Variants in TXNDC16 observed in about 807,000 individuals in gnomAD.
The protein encoded by TXNDC16 is thioredoxin domain containing 16.
A neutral mutation model predicts 85.6 loss-of-function variants in TXNDC16; 74 were observed. That is an observed-to-expected ratio of 0.86 (90% CI 0.72 to 1.05). TXNDC16 has a LOEUF of 1.05. Among genes scored for constraint, TXNDC16 ranks in the 50% least tolerant of loss-of-function variants. TXNDC16 has a pLI of 0.00. For synonymous variants in TXNDC16, 335 were observed against 326.5 expected, an observed-to-expected ratio of 1.03 and a Z score of -0.28; for missense variants, 959 against 947.0, an observed-to-expected ratio of 1.01 and a Z score of -0.17.
At chr14:52,504,338 C>G (rs1158011874) in intron 9 of TXNDC16, among the ~76,000 whole-genome samples, 2 of 152,210 alleles carry the variant, frequency 1.3e-5, no homozygotes, top group East Asian at 3.8e-4. Flanking sequence ...GGGTTACCCA[C>G]AGAGGGAAGT....
intron 20 of TXNDC16, among the ~76,000 whole-genome samples, chr14:52,434,529 C>A (rs188611388): frequency 6.6e-6 from 1 of 152,262 alleles, no homozygotes; most frequent in Non-Finnish European, 1.5e-5. Context: ...CTAAAGCATA[C>A]AAATATCAGG....
At chr14:52,482,749 T>C (rs773610750) in intron 13 of TXNDC16, 73 bp downstream of exon 13, 34 of 1,423,832 alleles carry the variant, frequency 2.4e-5, no homozygotes, top group Non-Finnish European at 3.1e-5. Context: ...ATGCAATACA[T>C]GGAATGCCAA....
intron 4 of TXNDC16, among the ~76,000 whole-genome samples, chr14:52,540,014 T>A (rs1449230513): frequency 6.6e-6 from 1 of 152,168 alleles, no homozygotes; most frequent in Non-Finnish European, 1.5e-5. Context: ...TTCAAGTGCA[T>A]GAGATAACCC....
At chr14:52,504,594 C>T (rs1275342564) in intron 9 of TXNDC16, among the ~76,000 whole-genome samples, 11 of 152,266 alleles carry the variant, frequency 7.2e-5, no homozygotes, top group South Asian at 2.1e-4. Flanking sequence ...AAGGAACAAC[C>T]GGTACCAGCC....
At chr14:52,529,149 A>G (rs2037413053) in intron 6 of TXNDC16, among the ~76,000 whole-genome samples, 1 of 151,302 alleles carries the variant, frequency 6.6e-6, no homozygotes, top group South Asian at 2.1e-4. Context: ...ATGCAGCCAT[A>G]AAAAATGATG....
intron 9 of TXNDC16, among the ~76,000 whole-genome samples, chr14:52,510,606 CT>C (rs1411289738): frequency 6.6e-6 from 1 of 152,206 alleles, no homozygotes; most frequent in East Asian, 1.9e-4. Context: ...TTCCTTCATA[CT>C]TGGCTGCAAT....
chr14:52,472,301 G>C (rs1201437345), intron 14 of TXNDC16, among the ~76,000 whole-genome samples: 1 of 151,842 alleles, frequency 6.6e-6, no homozygotes, highest in East Asian at 1.9e-4. Flanking sequence ...GAGTTCAGGC[G>C]ATTCTCCTGC....
Position 52,439,305 on chromosome 14 carries a change from G to A in TXNDC16, c.2093C>T (p.Ser698Leu). The A allele has an allele frequency of 6.2e-7, 1 of 1,614,024 alleles. No individual in the cohort carries two copies. The highest frequency in any genetic ancestry group is 8.5e-7 in the Non-Finnish European group (1 of 1,179,970). The stretch of plus-strand genomic sequence containing the variant: ...AGGAAATGCAAATACTTGGCCACCT[G>A]AATGCAGATTCACCAAAACAAGAAG... Reference protein sequence around the residue: ...LPLLVLVNLHSGGQVFAFPSD... With the variant: ...LPLLVLVNLHLGGQVFAFPSD... The change falls in exon 20 of 21, where the codon TCA becomes TTA. Residue 698 changes from serine (S) to leucine (L), a missense_variant. Physicochemically the swap from Ser to Leu is moderately radical, Grantham distance 145. Coordinates refer to ENST00000281741, the MANE Select transcript of TXNDC16 (RefSeq NM_020784.3).
intron 18 of TXNDC16, among the ~76,000 whole-genome samples, chr14:52,452,874 C>T (rs1485720417): frequency 6.6e-6 from 1 of 151,972 alleles, no homozygotes; most frequent in African/African-American, 2.4e-5. Context: ...GCAAAGGACA[C>T]AATCAACAAA....
intron 6 of TXNDC16, among the ~76,000 whole-genome samples, chr14:52,527,760 T>C (rs749077855): frequency 1.1e-4 from 16 of 152,284 alleles, no homozygotes; most frequent in Non-Finnish European, 1.9e-4. Flanking sequence ...AAGTCTTCTA[T>C]GTGTGTATAA....
At chr14:52,537,027 AG>A (rs2037717986) in intron 5 of TXNDC16, among the ~76,000 whole-genome samples, 3 of 151,852 alleles carry the variant, frequency 2.0e-5, no homozygotes, top group African/African-American at 7.3e-5. Context: ...AGAAAAAAAT[AG>A]GAGTCCAAAC....
At chr14:52,507,042 T>C (rs537181480) in intron 9 of TXNDC16, among the ~76,000 whole-genome samples, 1 of 152,070 alleles carries the variant, frequency 6.6e-6, no homozygotes, top group South Asian at 2.1e-4. Flanking sequence ...TTATTCAACA[T>C]AGTGTTGGAA....
intron 1 of TXNDC16, among the ~76,000 whole-genome samples, chr14:52,550,839 GCAAT>G (rs1207800880): frequency 6.6e-6 from 1 of 152,094 alleles, no homozygotes; most frequent in Non-Finnish European, 1.5e-5. Flanking sequence ...GCACATTACT[GCAAT>G]CAATTACATC....
At chr14:52,508,096 A>G (rs1294259596) in intron 9 of TXNDC16, among the ~76,000 whole-genome samples, 3 of 152,328 alleles carry the variant, frequency 2.0e-5, no homozygotes, top group Middle Eastern at 6.8e-3. Context: ...GCTTCTGCAC[A>G]GCAAAAGAAA....
chr14:52,513,292 T>C (rs59697377), intron 8 of TXNDC16, among the ~76,000 whole-genome samples: 7,115 of 152,210 alleles, frequency 0.047, 388 homozygotes, highest in East Asian at 0.17. Context: ...TCAATAAATA[T>C]TTGCTGAATG....
In TXNDC16 at chr14:52,536,805, T is replaced by A. The variant is rs140704370; in HGVS notation, c.318-12A>T. On this transcript the variant is annotated splice_polypyrimidine_tract_variant and intron_variant, in intron 5 of 20. Transcript: ENST00000281741. ...GCAATATGTTGCCCCTATAAAAAGT[T>A]TAAAAACATATTAATATTGAAAAAT... The A allele has an allele frequency of 6.5e-4, 1,037 of 1,590,556 alleles. 9 individuals are homozygous for A. In the African/African-American group the frequency reaches 0.013, roughly 19 times the overall value.
intron 9 of TXNDC16, among the ~76,000 whole-genome samples, chr14:52,504,886 C>A (rs538385297): frequency 1.1e-4 from 17 of 151,952 alleles, no homozygotes; most frequent in East Asian, 5.8e-4. Context: ...ATCTACCAAG[C>A]AAATGGAAAA....
intron 18 of TXNDC16, among the ~76,000 whole-genome samples, chr14:52,444,032 G>T (rs2035224660): frequency 6.6e-6 from 1 of 152,154 alleles, no homozygotes; most frequent in South Asian, 2.1e-4. Context: ...GGGAATAAAT[G>T]AGACAGAGGA....
intron 8 of TXNDC16, among the ~76,000 whole-genome samples, chr14:52,512,038 A>G (rs570354568): frequency 6.6e-6 from 1 of 152,296 alleles, no homozygotes; most frequent in African/African-American, 2.4e-5. Context: ...TGGCATTAGT[A>G]GGGTTTGGCA....
Sources: gnomAD v4.1 joint callset for allele counts (sites outside exome capture counted in the v4.1 genomes callset) on GRCh38, gnomAD v4.1.1 for gene constraint, MANE v1.5 for transcripts, NCBI Gene and HGNC (gene_info 2026-07-23, HGNC 2026-07-21) for gene names.